FRMD4A: variants seen among roughly 807,000 people sequenced by gnomAD.
The protein encoded by FRMD4A is FERM domain-containing protein 4A.
Under a neutral mutation model 129.1 loss-of-function variants are expected in FRMD4A, and 29 were observed. The ratio of observed to expected loss-of-function variants is 0.22; its 90% CI spans 0.17 to 0.31. The LOEUF is 0.31. Among genes scored for constraint, FRMD4A ranks in the 10% least tolerant of loss-of-function variants. The pLI is 1.00. For synonymous variants in FRMD4A, 634 were observed against 571.6 expected (o/e 1.11, Z -1.56); for missense variants, 1,272 against 1,375.8 (o/e 0.92, Z 1.19).
At chr10:14,062,644 G>T (rs1834868356) in intron 2 of FRMD4A, among the ~76,000 whole-genome samples, 1 of 152,172 alleles carries the variant, frequency 6.6e-6, no homozygotes, top group Non-Finnish European at 1.5e-5. Context: ...TTTTCATTTG[G>T]ATGCCTTCAG....
At chr10:14,050,764 G>A (rs1350252628) in intron 2 of FRMD4A, among the ~76,000 whole-genome samples, 2 of 152,198 alleles carry the variant, frequency 1.3e-5, no homozygotes, top group African/African-American at 4.8e-5. Flanking sequence ...GCTTCCAAGT[G>A]GGTGAACCCA....
At chr10:14,016,294 G>A (rs1169630892) in intron 2 of FRMD4A, among the ~76,000 whole-genome samples, 2 of 152,324 alleles carry the variant, frequency 1.3e-5, no homozygotes, top group East Asian at 3.9e-4. Flanking sequence ...TCATCATAGC[G>A]AGCATCAGTC....
chr10:14,093,671 A>T (rs1018166262), intron 2 of FRMD4A, among the ~76,000 whole-genome samples: 4 of 152,258 alleles, frequency 2.6e-5, no homozygotes, highest in African/African-American at 9.6e-5. Context: ...CAACCATATT[A>T]TGAATAAAAT....
intron 2 of FRMD4A, among the ~76,000 whole-genome samples, chr10:14,057,369 C>G (rs1212486631): frequency 6.6e-6 from 1 of 152,142 alleles, no homozygotes; most frequent in East Asian, 1.9e-4. Context: ...ATCGTCTTTA[C>G]CCTAGAGCTG....
At chr10:13,882,132 A>G (rs1439550508) in intron 2 of FRMD4A, among the ~76,000 whole-genome samples, 1 of 151,906 alleles carries the variant, frequency 6.6e-6, no homozygotes, top group Admixed American at 6.6e-5. Context: ...GTCTACGAAG[A>G]ATGCAGGGTG....
At chr10:14,109,729 T>C (rs980708909) in intron 2 of FRMD4A, among the ~76,000 whole-genome samples, 1 of 152,066 alleles carries the variant, frequency 6.6e-6, no homozygotes, top group African/African-American at 2.4e-5. Flanking sequence ...CTCAGCACTT[T>C]GGGAGGCTGA....
At chr10:13,865,530 A>G (rs1230101364) in intron 2 of FRMD4A, among the ~76,000 whole-genome samples, 1 of 150,208 alleles carries the variant, frequency 6.7e-6, no homozygotes, top group Admixed American at 6.7e-5. Context: ...AGCTCACTGC[A>G]GCTTCAACCT....
chr10:14,185,576 C>G (rs560589451), intron 2 of FRMD4A, among the ~76,000 whole-genome samples: 2 of 152,074 alleles, frequency 1.3e-5, no homozygotes, highest in South Asian at 2.1e-4. Flanking sequence ...GGTTCAATCT[C>G]GTCTTGTAAG....
At chr10:14,025,298 G>GC (rs1448661403) in intron 2 of FRMD4A, among the ~76,000 whole-genome samples, 1 of 138,456 alleles carries the variant, frequency 7.2e-6, no homozygotes, top group African/African-American at 2.7e-5. Context: ...TCCAAAGTTT[G>GC]CTTTTTTTTT....
intron 12 of FRMD4A, among the ~76,000 whole-genome samples, chr10:13,734,587 C>T (rs573942535): frequency 6.6e-6 from 1 of 152,256 alleles, no homozygotes; most frequent in South Asian, 2.1e-4. Flanking sequence ...CCTCCGTCTG[C>T]AAAATTCTTT....
At chr10:13,704,931 G>A (rs1412483826) in intron 13 of FRMD4A, among the ~76,000 whole-genome samples, 1 of 151,500 alleles carries the variant, frequency 6.6e-6, no homozygotes, top group Non-Finnish European at 1.5e-5. Context: ...AGCTGGGTAC[G>A]GTGGTGTGTA....
intron 2 of FRMD4A, among the ~76,000 whole-genome samples, chr10:14,045,887 TATG>T (rs1481768296): frequency 6.8e-6 from 1 of 147,010 alleles, no homozygotes; most frequent in Non-Finnish European, 1.5e-5. Flanking sequence ...ATGGTATAAT[TATG>T]ATAGTAAAAC....
At chr10:14,228,619 AC>A (rs1843527636) in intron 2 of FRMD4A, among the ~76,000 whole-genome samples, 1 of 152,230 alleles carries the variant, frequency 6.6e-6, no homozygotes, top group Non-Finnish European at 1.5e-5. Flanking sequence ...TAAGAGGCAG[AC>A]TTTTAACCTG....
chr10:14,139,641 G>A (rs1839734244), intron 2 of FRMD4A, among the ~76,000 whole-genome samples: 1 of 151,768 alleles, frequency 6.6e-6, no homozygotes, highest in Admixed American at 6.6e-5. Context: ...GTAGAGATGG[G>A]GTCTTGCCAT....
chr10:13,792,226 T>G (rs1473189771), intron 5 of FRMD4A, among the ~76,000 whole-genome samples: 1 of 152,228 alleles, frequency 6.6e-6, no homozygotes, highest in African/African-American at 2.4e-5. Context: ...ACACCATCTT[T>G]GCAGGAGGAT....
chr10:14,219,949 G>A (rs539149168), intron 2 of FRMD4A, among the ~76,000 whole-genome samples: 80 of 152,292 alleles, frequency 5.3e-4, no homozygotes, highest in Middle Eastern at 6.8e-3. Flanking sequence ...AAGAGAGAAG[G>A]GTGGAGATTT....
rs137936850 is a variant in FRMD4A at position 13,780,233 on chromosome 10, G to A, written c.384+2689C>T. On this transcript the variant is annotated intron_variant, in intron 6 of 24. Transcript: ENST00000357447. Reference sequence around the variant, plus strand: ...TCCCAGTTACTCGGGAGGCTGAGGCGGGAGAATCGCTTGAACCTGGGAGGC... The same window carrying A: ...TCCCAGTTACTCGGGAGGCTGAGGCAGGAGAATCGCTTGAACCTGGGAGGC... Among the ~76,000 whole-genome samples, 1,086 of 151,990 alleles carry A rather than the reference G, an allele frequency of 7.1e-3. 11 individuals carry two copies. The highest frequency in any genetic ancestry group is 0.025 in the African/African-American group (1,036 of 41,404).
chr10:14,175,158 C>G (rs780820024), intron 2 of FRMD4A, among the ~76,000 whole-genome samples: 4 of 152,164 alleles, frequency 2.6e-5, no homozygotes. Flanking sequence ...TTAAATGTGG[C>G]TACACACATC....
At chr10:14,177,111 A>T (rs1841756795) in intron 2 of FRMD4A, among the ~76,000 whole-genome samples, 1 of 152,180 alleles carries the variant, frequency 6.6e-6, no homozygotes, top group South Asian at 2.1e-4. Context: ...AAGGTTCATG[A>T]ACAGGTTTGC....
Sources: allele counts gnomAD v4.1 joint callset (sites outside exome capture counted in the v4.1 genomes callset), GRCh38; gene constraint gnomAD v4.1.1; transcripts MANE v1.5; gene names NCBI Gene and HGNC (gene_info 2026-07-23, HGNC 2026-07-21).